Variants in NR4A3 observed in about 807,000 individuals in gnomAD.
NR4A3 encodes the protein chondrosarcoma, extraskeletal myxoid, fused to EWS.
Under a neutral mutation model 55.6 loss-of-function variants are expected in NR4A3, and 13 were observed. The observed-to-expected ratio is 0.23, with a 90% CI of 0.15 to 0.37. The LOEUF (loss-of-function observed/expected upper bound fraction) is 0.37, where lower values mean the gene tolerates loss of function less well. Ranked by LOEUF, NR4A3 falls within the 10% of genes least tolerant of loss-of-function variation. The pLI is 1.00. For synonymous variants in NR4A3, 342 were observed against 357.9 expected (o/e 0.96, Z 0.50); for missense variants, 646 against 822.8 (o/e 0.79, Z 2.63).
intron 3 of NR4A3, among the ~76,000 whole-genome samples, chr9:99,830,270 A>G (rs1419956174): frequency 2.6e-5 from 4 of 152,202 alleles, no homozygotes; most frequent in Admixed American, 2.6e-4. Context: ...TCCACCTTCC[A>G]ATTGTATCAT....
intron 3 of NR4A3, 31 bp downstream of exon 3, chr9:99,829,024 C>A: frequency 1.5e-6 from 2 of 1,310,194 alleles, no homozygotes; most frequent in Non-Finnish European, 1.9e-6. Flanking sequence ...CCCCTCCGCA[C>A]CCAGCCCCCT....
At chr9:99,824,470 A>G (rs1827253967) in intron 1 of NR4A3, among the ~76,000 whole-genome samples, 1 of 152,196 alleles carries the variant, frequency 6.6e-6, no homozygotes, top group South Asian at 2.1e-4. Context: ...TACCCGCGCT[A>G]CATCGAGCGC....
intron 1 of NR4A3, among the ~76,000 whole-genome samples, chr9:99,823,930 A>G (rs1827236264): frequency 6.6e-6 from 1 of 151,716 alleles, no homozygotes; most frequent in Admixed American, 6.6e-5. Context: ...TCCGCAGAGG[A>G]GCCCCGGTCA....
At chr9:99,847,400 A>T (rs1415477684) in intron 6 of NR4A3, 37 bp from the exon 7 acceptor site, 1 of 1,594,014 alleles carries the variant, frequency 6.3e-7, no homozygotes, top group South Asian at 1.1e-5. Context: ...CAGATTGAAC[A>T]GACCTGTTTA....
chr9:99,857,323 A>G (rs1827944820), intron 7 of NR4A3, among the ~76,000 whole-genome samples: 1 of 152,190 alleles, frequency 6.6e-6, no homozygotes, highest in South Asian at 2.1e-4. Context: ...CTTGAGTTTT[A>G]GATAGAGAGG....
intron 7 of NR4A3, among the ~76,000 whole-genome samples, chr9:99,857,695 C>T (rs1007386280): frequency 5.9e-5 from 9 of 151,938 alleles, no homozygotes; most frequent in African/African-American, 1.9e-4. Flanking sequence ...GCGAAGGTTG[C>T]AGTGAGCCGA....
intron 5 of NR4A3, chr9:99,834,658 A>G: frequency 6.2e-6 from 2 of 324,020 alleles, no homozygotes; most frequent in Non-Finnish European, 8.9e-6. Flanking sequence ...GCTGGCAAAC[A>G]GTGTGAGTGT....
rs1828060378 is a variant in NR4A3 at position 99,864,538 on chromosome 9, A to G, written c.*671A>G. The G allele has an allele frequency of 4.4e-6, 1 of 227,014 alleles. No individual in the cohort carries two copies. The highest frequency in any genetic ancestry group is 2.2e-5 in the African/African-American group (1 of 44,936). 14.1% of individuals were successfully genotyped at this position (227,014 alleles called of 1,614,324 possible). On this transcript the variant is annotated 3_prime_UTR_variant, in exon 8 of 8. Transcript: ENST00000395097. ...TAACTCTCCTTTATTCTATATGGAA[A>G]TAAAAAGGAGGCAGTCATGTTAGCA...
At chr9:99,842,684 C>G (rs1315740319) in intron 5 of NR4A3, among the ~76,000 whole-genome samples, 1 of 151,864 alleles carries the variant, frequency 6.6e-6, no homozygotes, top group South Asian at 2.1e-4. Context: ...GAGCCAAGAT[C>G]GTGCCACTGC....
intron 3 of NR4A3, among the ~76,000 whole-genome samples, 191 bp from the exon 4 acceptor site, chr9:99,832,498 G>A (rs527540383): frequency 1.3e-5 from 2 of 152,302 alleles, no homozygotes; most frequent in Non-Finnish European, 2.9e-5. Flanking sequence ...AACAATCCGA[G>A]ATGATTTTCA....
chr9:99,833,372 C>T lies in NR4A3; in HGVS notation c.1172C>T (p.Pro391Leu). ...CAACAGGAACCTTCTCAGCCCTCTC[C>T]ACCTTCTCCTCCAATCTGCATGATG... ...PLQQEPSQPS[P>L]PSPPICMMNA... Residue 391 changes from proline to leucine, a missense_variant, in exon 5 of 8, where the codon CCA becomes CTA. This residue lies in a region of NR4A3 where 163 missense variants were observed against 233.0 expected (regional missense o/e 0.70). Transcript: ENST00000395097. 1.4e-5 allele frequency: 22 copies of T among 1,614,150 alleles called. No individual in the cohort carries two copies. Among genetic ancestry groups the T allele is most frequent in the Non-Finnish European group, 1.8e-5 (21 of 1,180,002 alleles).
At chr9:99,862,423 T>TAGTC (rs926948959) in intron 7 of NR4A3, among the ~76,000 whole-genome samples, 7 of 151,658 alleles carry the variant, frequency 4.6e-5, no homozygotes, top group Admixed American at 4.6e-4. Flanking sequence ...TACACACCTG[T>TAGTC]AGTCTCAGCT....
At chr9:99,852,464 G>C (rs1827865949) in intron 7 of NR4A3, among the ~76,000 whole-genome samples, 1 of 152,110 alleles carries the variant, frequency 6.6e-6, no homozygotes, top group African/African-American at 2.4e-5. Flanking sequence ...AAAGTTAAAT[G>C]ATTTTCAGGG....
rs1827484860 is a variant in NR4A3, at chr9:99,833,314, G to C, written c.1114G>C (p.Gly372Arg). ...TACAGATAGTCTGAAAGGGAGGAGAGGTCGTCTGCCTTCCAAACCAAAGAG... is the reference window on the plus strand; with the variant it reads ...TACAGATAGTCTGAAAGGGAGGAGACGTCGTCTGCCTTCCAAACCAAAGAG... ...VRTDSLKGRR[G>R]RLPSKPKSPL... The change falls in exon 5 of 8, where the codon GGT becomes CGT. Residue 372 changes from glycine (G) to arginine (R), a missense_variant. By Grantham distance (125) the Gly-to-Arg change is moderately radical. This residue lies in a region of NR4A3 where 44 missense variants were observed against 119.3 expected (regional missense o/e 0.37). Coordinates refer to ENST00000395097, the MANE Select transcript of NR4A3 (RefSeq NM_006981.4). The C allele has an allele frequency of 6.2e-7, 1 of 1,613,534 alleles. No individual in the cohort carries two copies. Among genetic ancestry groups the C allele is most frequent in the Admixed American group, 1.7e-5 (1 of 59,938 alleles).
intron 7 of NR4A3, among the ~76,000 whole-genome samples, chr9:99,850,297 A>G (rs1827825640): frequency 6.6e-6 from 1 of 152,176 alleles, no homozygotes; most frequent in South Asian, 2.1e-4. Context: ...ATCTAAGAGG[A>G]AAAAGGCCAG....
intron 6 of NR4A3, among the ~76,000 whole-genome samples, chr9:99,845,360 G>T (rs1390495204): frequency 6.6e-6 from 1 of 152,148 alleles, no homozygotes; most frequent in Non-Finnish European, 1.5e-5. Context: ...CTCTTAGATA[G>T]AAAGATTTAG....
At chr9:99,833,921 C>A in intron 5 of NR4A3, 1 of 1,183,528 alleles carries the variant, frequency 8.4e-7, no homozygotes, top group Non-Finnish European at 1.1e-6. Context: ...TGGAGAGAAG[C>A]GAGCTCTGGC....
chr9:99,842,108 AT>A (rs10626492), intron 5 of NR4A3, among the ~76,000 whole-genome samples: 1,501 of 136,094 alleles, frequency 0.011, 7 homozygotes, highest in Non-Finnish European at 0.015. Context: ...GGACTCTCTG[AT>A]TTTTTTTTTT....
At chr9:99,861,818 C>T (rs748157774) in intron 7 of NR4A3, among the ~76,000 whole-genome samples, 16 of 151,998 alleles carry the variant, frequency 1.1e-4, no homozygotes, top group Admixed American at 3.3e-4. Flanking sequence ...GAGCCAGGCA[C>T]GGTAGCTCAT....
Sources: allele counts gnomAD v4.1 joint callset (sites outside exome capture counted in the v4.1 genomes callset), GRCh38; gene constraint gnomAD v4.1.1; regional missense constraint gnomAD v4.1.1; transcripts MANE v1.5; gene names NCBI Gene and HGNC (gene_info 2026-07-23, HGNC 2026-07-21).